The following AGBL4 variants were observed in gnomAD, a reference collection of about 807,000 sequenced individuals.
The protein encoded by AGBL4 is cytosolic carboxypeptidase 6.
AGBL4 carries 58 observed loss-of-function variants against 66.4 expected under a neutral mutation model. That is an observed-to-expected ratio of 0.87 (90% CI 0.71 to 1.09). AGBL4 has a LOEUF of 1.09. AGBL4 is among the 50% of genes least tolerant of loss of function. AGBL4 has a pLI of 0.00. For missense variants in AGBL4, 579 were observed against 631.0 expected (o/e 0.92, Z 0.88); for synonymous variants, 234 against 222.9 (o/e 1.05, Z -0.44).
intron 3 of AGBL4, among the ~76,000 whole-genome samples, chr1:49,546,276 T>C (rs1652475315): frequency 6.6e-6 from 1 of 151,516 alleles, no homozygotes; most frequent in Non-Finnish European, 1.5e-5. Context: ...TATGTGTATA[T>C]ATATTCCATC....
chr1:48,565,781 A>G (rs980372034), intron 11 of AGBL4, among the ~76,000 whole-genome samples: 3 of 152,208 alleles, frequency 2.0e-5, no homozygotes, highest in Admixed American at 2.0e-4. Flanking sequence ...TCTTCTTCAC[A>G]TAGTTGCTTT....
At chr1:49,359,568 T>C (rs888434217) in intron 3 of AGBL4, among the ~76,000 whole-genome samples, 2 of 152,158 alleles carry the variant, frequency 1.3e-5, no homozygotes, top group African/African-American at 2.4e-5. Flanking sequence ...AGTACAGAGA[T>C]TGAATTATCT....
intron 3 of AGBL4, among the ~76,000 whole-genome samples, chr1:49,475,165 G>T (rs185968699): frequency 6.6e-6 from 1 of 151,860 alleles, no homozygotes; most frequent in Non-Finnish European, 1.5e-5. Flanking sequence ...GGATGTTATC[G>T]CATGCTTTTC....
intron 2 of AGBL4, among the ~76,000 whole-genome samples, chr1:49,717,063 A>G (rs1482531936): frequency 1.3e-5 from 2 of 152,174 alleles, no homozygotes; most frequent in Non-Finnish European, 2.9e-5. Context: ...TAAGCTGATA[A>G]GCAACCTCAG....
intron 6 of AGBL4, among the ~76,000 whole-genome samples, chr1:48,839,929 C>T (rs907644394): frequency 6.6e-6 from 1 of 152,064 alleles, no homozygotes; most frequent in African/African-American, 2.4e-5. Context: ...ATAAGAAGTC[C>T]TGTAACTTGC....
rs1010527802 is a variant in AGBL4 at position 49,779,912 on chromosome 1, C to A, written c.157+71484G>T. On this transcript the variant is annotated intron_variant, in intron 2 of 13. Coordinates refer to ENST00000371839, the MANE Select transcript of AGBL4 (RefSeq NM_032785.4). The stretch of plus-strand genomic sequence containing the variant: ...TAGGCAAAACGTTGAAAGAAAAAGA[C>A]AATGAGAAAATATCAAAAGCAGAAA... Among the ~76,000 whole-genome samples, 3 of 146,876 alleles carry A rather than the reference C, an allele frequency of 2.0e-5. No homozygotes were observed. The Admixed American group carries it at 2.1e-4, about 10-fold the overall frequency.
At chr1:48,909,735 G>A (rs866543564) in intron 5 of AGBL4, among the ~76,000 whole-genome samples, 1 of 152,108 alleles carries the variant, frequency 6.6e-6, no homozygotes, top group Non-Finnish European at 1.5e-5. Flanking sequence ...AGAGAAATAC[G>A]TACGAAACAT....
At chr1:49,199,222 A>C (rs6665393) in intron 4 of AGBL4, among the ~76,000 whole-genome samples, 4 of 152,206 alleles carry the variant, frequency 2.6e-5, no homozygotes, top group Non-Finnish European at 5.9e-5. Context: ...CAAGAGCTAA[A>C]AATGACAGAA....
intron 3 of AGBL4, among the ~76,000 whole-genome samples, chr1:49,427,528 G>T (rs1400667796): frequency 6.6e-6 from 1 of 152,136 alleles, no homozygotes; most frequent in Non-Finnish European, 1.5e-5. Context: ...CCCTTGCAGT[G>T]AGTGTTACAG....
At chr1:49,858,796 A>C (rs896838112) in intron 1 of AGBL4, among the ~76,000 whole-genome samples, 2 of 152,124 alleles carry the variant, frequency 1.3e-5, no homozygotes, top group Non-Finnish European at 1.5e-5. Context: ...GCGGCAGATC[A>C]CCTGAAGTCA....
chr1:49,154,725 A>C (rs574706918), intron 4 of AGBL4, among the ~76,000 whole-genome samples: 3 of 152,182 alleles, frequency 2.0e-5, no homozygotes, highest in African/African-American at 7.2e-5. Context: ...TTGGCTCCAT[A>C]AATAATTCAG....
At position 48,736,557 on chromosome 1, in the gene AGBL4, T is replaced by G; in HGVS notation, c.635-73316A>C. 1.0e-6 allele frequency: 1 copy of G among 988,408 alleles called. No individual in the cohort carries two copies. The highest frequency in any genetic ancestry group is 1.5e-6 in the Non-Finnish European group (1 of 648,028). The allele number at this position is 988,408 out of a possible 1,614,324, so 61.2% of individuals were successfully genotyped here. ...TTGCTGCACAACTGTAAGAGATTCA[T>G]GTCATAAATATGAAATTAACTCTCT... On this transcript the variant is annotated intron_variant, in intron 6 of 13. Transcript: ENST00000371839. This position sits in a 1 kb window ranked among gnomAD's most constrained non-coding sequence, Gnocchi z 4.0.
At chr1:49,049,554 A>G (rs932870949) in intron 4 of AGBL4, among the ~76,000 whole-genome samples, 2 of 152,150 alleles carry the variant, frequency 1.3e-5, no homozygotes, top group African/African-American at 4.8e-5. Flanking sequence ...AGCGGTCTCA[A>G]GCAATACTTA....
intron 3 of AGBL4, among the ~76,000 whole-genome samples, chr1:49,438,593 C>T (rs1645956918): frequency 6.6e-6 from 1 of 152,128 alleles, no homozygotes; most frequent in Non-Finnish European, 1.5e-5. Flanking sequence ...TGGCCACAAC[C>T]TCATCCCTGG....
intron 4 of AGBL4, among the ~76,000 whole-genome samples, chr1:49,234,625 G>T (rs994735705): frequency 1.3e-5 from 2 of 152,058 alleles, no homozygotes; most frequent in Non-Finnish European, 2.9e-5. Flanking sequence ...TTTTTCCAGG[G>T]TCTTTTCCCT....
chr1:49,333,464 G>A (rs1006429212), intron 3 of AGBL4, among the ~76,000 whole-genome samples: 5 of 152,114 alleles, frequency 3.3e-5, no homozygotes, highest in Admixed American at 1.3e-4. Flanking sequence ...GCAACAGAGC[G>A]AGACTCTGTC....
intron 6 of AGBL4, among the ~76,000 whole-genome samples, chr1:48,812,724 T>C (rs960576473): frequency 6.6e-6 from 1 of 151,972 alleles, no homozygotes; most frequent in African/African-American, 2.4e-5. Flanking sequence ...TGTCCAACAA[T>C]GATAGACTGG....
At chr1:49,839,529 A>G (rs1037980846) in intron 2 of AGBL4, among the ~76,000 whole-genome samples, 2 of 152,250 alleles carry the variant, frequency 1.3e-5, no homozygotes, top group African/African-American at 4.8e-5. Context: ...AGAGGTCATC[A>G]AATGAAAGCA....
chr1:49,208,200 T>A (rs563707315), intron 4 of AGBL4, among the ~76,000 whole-genome samples: 2 of 152,174 alleles, frequency 1.3e-5, no homozygotes, highest in East Asian at 3.9e-4. Context: ...TTGCCCCAAA[T>A]CACTCAAGAA....
Sources: gnomAD v4.1 joint callset for allele counts (sites outside exome capture counted in the v4.1 genomes callset) on GRCh38, gnomAD v4.1.1 for gene constraint, Gnocchi (gnomAD v3.1) non-coding constraint, MANE v1.5 for transcripts, NCBI Gene and HGNC (gene_info 2026-07-23, HGNC 2026-07-21) for gene names.